KIRREL2: variants seen among roughly 807,000 people sequenced by gnomAD.
The protein encoded by KIRREL2 is kirre like nephrin family adhesion molecule 2.
KIRREL2 carries 56 observed loss-of-function variants against 73.4 expected under a neutral mutation model. The ratio of observed to expected loss-of-function variants is 0.76; its 90% CI spans 0.62 to 0.95. The LOEUF (loss-of-function observed/expected upper bound fraction) is 0.95, where lower values mean the gene tolerates loss of function less well. Ranked by LOEUF, KIRREL2 falls within the 40% of genes least tolerant of loss-of-function variation. The pLI, the probability that KIRREL2 is intolerant of heterozygous loss-of-function variation, is 0.00. For missense variants in KIRREL2, 896 were observed against 935.0 expected, an observed-to-expected ratio of 0.96 and a Z score of 0.54; for synonymous variants, 407 against 404.0, an observed-to-expected ratio of 1.01 and a Z score of -0.09.
At chr19:35,865,126 C>G (rs182603236) in intron 14 of KIRREL2, among the ~76,000 whole-genome samples, 105 of 151,674 alleles carry the variant, frequency 6.9e-4, no homozygotes, top group Non-Finnish European at 1.2e-3. Flanking sequence ...GAGCACTTCT[C>G]TCTCTCTCTC....
intron 1 of KIRREL2, 58 bp downstream of exon 1, chr19:35,857,238 T>A (rs1973460972): frequency 4.4e-6 from 7 of 1,601,944 alleles, no homozygotes; most frequent in Non-Finnish European, 6.0e-6. Flanking sequence ...GCTTGCGGGC[T>A]GCCTCTTCAC....
At chr19:35,852,304 GTCTCTC>G (rs139954720), upstream of KIRREL2, among the ~76,000 whole-genome samples, 38 of 145,086 alleles carry the variant, frequency 2.6e-4, no homozygotes, top group African/African-American at 9.1e-4. Flanking sequence ...CTCTCTCTCT[GTCTCTC>G]TCTCTCTCTC....
intron 14 of KIRREL2, 81 bp downstream of exon 14, chr19:35,864,794 C>T (rs1003376432): frequency 2.1e-5 from 22 of 1,069,460 alleles, no homozygotes; most frequent in African/African-American, 6.3e-5. Context: ...CTCTCTCCCA[C>T]GCCTGTCCCC....
At chr19:35,856,754 A>G, upstream of KIRREL2, 2 of 393,608 alleles carry the variant, frequency 5.1e-6, no homozygotes, top group South Asian at 2.3e-5. The surrounding 1 kb of genome is among the most constrained non-coding windows in gnomAD (Gnocchi z 5.9). Flanking sequence ...CCCAGACCCC[A>G]ATTGAGCTGG....
Position 35,860,643 on chromosome 19 carries a change from C to T in KIRREL2, c.904C>T (p.Arg302Cys), listed in dbSNP as rs73928337. The change falls in exon 7 of 15, where the codon CGC (arginine) becomes TGC (cysteine). Residue 302 changes from arginine to cysteine, a missense_variant. Arg to Cys is a radical substitution (Grantham distance 180, BLOSUM62 -3). Transcript: ENST00000360202. ...CAGCAACGCCGTGGGTAGCGCCAAC[C>T]GCAGTACTGCGCTGGATGTGCTGTG... ...EVSNAVGSAN[R>C]STALDVLFGP... is the part of the protein sequence containing the mutation. The T allele has an allele frequency of 5.6e-6, 9 of 1,603,140 alleles. No individual in the cohort carries two copies. Among genetic ancestry groups the T allele is most frequent in the African/African-American group, 1.3e-5 (1 of 74,974 alleles).
At chr19:35,854,168 T>A (rs1973351960), upstream of KIRREL2, among the ~76,000 whole-genome samples, 1 of 151,918 alleles carries the variant, frequency 6.6e-6, no homozygotes, top group Non-Finnish European at 1.5e-5. Flanking sequence ...TTTTTAAATG[T>A]TTTTGCAGAG....
Position 35,858,265 on chromosome 19 carries a change from C to T in KIRREL2, c.212-143C>T, listed in dbSNP as rs551243296. The T allele has an allele frequency of 5.3e-5, 49 of 924,194 alleles. 1 individual carries two copies. The East Asian group carries it at 1.2e-3, about 23-fold the overall frequency. 57.2% of individuals were successfully genotyped at this position (924,194 alleles called of 1,614,324 possible). On this transcript the variant is annotated intron_variant, in intron 2 of 14. Transcript: ENST00000360202. Reference sequence around the variant, plus strand: ...CTGGGTTGGGAGGGAGTTAGAGTCTCTCTGGGCCCAGTACACACTTTTTAA... The same window carrying T: ...CTGGGTTGGGAGGGAGTTAGAGTCTTTCTGGGCCCAGTACACACTTTTTAA...
chr19:35,862,461 C>T (rs772663665), intron 11 of KIRREL2, 32 bp from the exon 12 acceptor site: 2 of 1,528,320 alleles, frequency 1.3e-6, no homozygotes, highest in East Asian at 2.2e-5. Flanking sequence ...TCCCCCTCAG[C>T]CTTCTCAGGA....
upstream of KIRREL2, among the ~76,000 whole-genome samples, chr19:35,852,216 A>G (rs551204205): frequency 2.0e-5 from 3 of 149,776 alleles, no homozygotes; most frequent in Admixed American, 6.7e-5. Flanking sequence ...GGCGTGAGCC[A>G]CTGCGCCCAG....
intron 13 of KIRREL2, among the ~76,000 whole-genome samples, 160 bp downstream of exon 13, chr19:35,863,196 GC>G (rs1973788936): frequency 6.6e-6 from 1 of 152,066 alleles, no homozygotes; most frequent in Admixed American, 6.6e-5. Flanking sequence ...ATCACTTAAG[GC>G]CAGGAATTCA....
intron 5 of KIRREL2, among the ~76,000 whole-genome samples, chr19:35,859,902 G>A (rs762289986): frequency 5.9e-5 from 9 of 152,144 alleles, no homozygotes; most frequent in African/African-American, 9.7e-5. Flanking sequence ...AAAATTTGCC[G>A]GGCGTGGTAG....
rs34494265 is a variant in KIRREL2 at position 35,859,572 on chromosome 19, G to A, written c.614G>A (p.Arg205Gln). The A allele has an allele frequency of 3.1e-3, 5,028 of 1,614,094 alleles. 153 individuals are homozygous for A. The African/African-American group carries it at 0.059, about 19-fold the overall frequency. ...GATGATGGAGCCACCTTTGTCTGCCGGGCCCGGAGCCAGGCCCTGCCCACA... is the reference window on the plus strand; with the variant it reads ...GATGATGGAGCCACCTTTGTCTGCCAGGCCCGGAGCCAGGCCCTGCCCACA... ...SHDDGATFVC[R>Q]ARSQALPTGR... is the part of the protein sequence containing the mutation. The change falls in exon 5 of 15, where the codon CGG becomes CAG. Residue 205 changes from arginine (R) to glutamine (Q), a missense_variant. Physicochemically the swap from Arg to Gln is conservative, Grantham distance 43. Transcript: ENST00000360202.
At chr19:35,851,983 C>T (rs1973278730), upstream of KIRREL2, 2 of 688,362 alleles carry the variant, frequency 2.9e-6, no homozygotes, top group African/African-American at 1.8e-5. Flanking sequence ...TTCTCGTTTT[C>T]CTCTTCCCCT....
chr19:35,858,274 C>T, intron 2 of KIRREL2, 134 bp from the exon 3 acceptor site: 1 of 1,004,128 alleles, frequency 1.0e-6, no homozygotes, highest in South Asian at 1.5e-5. Flanking sequence ...TCTCTGGGCC[C>T]AGTACACACT....
At chr19:35,862,116 C>T (rs1164234603) in intron 11 of KIRREL2, 92 bp downstream of exon 11, 4 of 1,113,430 alleles carry the variant, frequency 3.6e-6, no homozygotes, top group Non-Finnish European at 5.1e-6. Flanking sequence ...ACCTCATACC[C>T]TCAAATGCAG....
upstream of KIRREL2, chr19:35,851,840 C>G (rs1039683723): frequency 6.4e-7 from 1 of 1,551,138 alleles, no homozygotes; most frequent in Non-Finnish European, 8.7e-7. Context: ...AGGGCCATCA[C>G]AGGTCCCCCT....
chr19:35,856,371 G>A (rs114568667), upstream of KIRREL2, among the ~76,000 whole-genome samples: 2,738 of 152,344 alleles, frequency 0.018, 93 homozygotes, highest in African/African-American at 0.063. The surrounding 1 kb of genome is among the most constrained non-coding windows in gnomAD (Gnocchi z 5.9). Flanking sequence ...CTGGGTCTTA[G>A]GACGTGCTGT....
At chr19:35,858,253 G>C (rs1973514372) in intron 2 of KIRREL2, among the ~76,000 whole-genome samples, 155 bp from the exon 3 acceptor site, 1 of 152,136 alleles carries the variant, frequency 6.6e-6, no homozygotes, top group Non-Finnish European at 1.5e-5. Flanking sequence ...GGTTGGGAGG[G>C]AGTTAGAGTC....
chr19:35,866,164 C>T lies in KIRREL2; in HGVS notation c.1799C>T (p.Thr600Ile), dbSNP rs1973955248. Reference sequence around the variant, plus strand: ...TCCCATTTGTCCCCTCAGGACCCAACCAACGGTTACTACAAGGTCCGAGGA... The same window carrying T: ...TCCCATTTGTCCCCTCAGGACCCAATCAACGGTTACTACAAGGTCCGAGGA... Reference protein sequence around the residue: ...EEGTLETKDPTNGYYKVRGVS... With the variant: ...EEGTLETKDPINGYYKVRGVS... The change falls in exon 15 of 15, where the codon ACC (threonine) becomes ATC (isoleucine). Residue 600 changes from threonine to isoleucine, a missense_variant. Transcript: ENST00000360202. 2 of 1,607,678 alleles carry T rather than the reference C, an allele frequency of 1.2e-6. No individual in the cohort carries two copies. Among genetic ancestry groups the T allele is most frequent in the Non-Finnish European group, 1.7e-6 (2 of 1,178,514 alleles).
Sources: gnomAD v4.1 joint callset for allele counts (sites outside exome capture counted in the v4.1 genomes callset) on GRCh38, gnomAD v4.1.1 for gene constraint, Gnocchi (gnomAD v3.1) non-coding constraint, MANE v1.5 for transcripts, NCBI Gene and HGNC (gene_info 2026-07-23, HGNC 2026-07-21) for gene names.